Variants in HMCN1 observed in about 807,000 individuals in gnomAD.
HMCN1 encodes hemicentin-1.
A neutral mutation model predicts 625.9 loss-of-function variants in HMCN1; 321 were observed. That is an observed-to-expected ratio of 0.51 (90% CI 0.47 to 0.56). The LOEUF (loss-of-function observed/expected upper bound fraction) is 0.56. HMCN1 is among the 20% of genes least tolerant of loss of function. The pLI, the probability that HMCN1 is intolerant of heterozygous loss-of-function variation, is 0.00. For synonymous variants in HMCN1, 2,425 were observed against 2,417.6 expected (o/e 1.00, Z -0.09); for missense variants, 6,588 against 6,887.3 (o/e 0.96, Z 1.54).
chr1:186,098,811 A>G (rs1660262013), intron 68 of HMCN1, among the ~76,000 whole-genome samples: 1 of 152,192 alleles, frequency 6.6e-6, no homozygotes, highest in Non-Finnish European at 1.5e-5. Context: ...AAGACAATGT[A>G]GTAGATATAC....
Position 185,993,297 on chromosome 1 carries a change from T to C in HMCN1, c.3493T>C (p.Leu1165=), listed in dbSNP as rs1378226174. The C allele has an allele frequency of 1.9e-6, 3 of 1,612,932 alleles. No homozygotes were observed. The highest frequency in any genetic ancestry group is 2.5e-6 in the Non-Finnish European group (3 of 1,179,070). The change falls in exon 23 of 107, where the codon TTA becomes CTA. Residue 1165 remains leucine, a synonymous_variant. Transcript: ENST00000271588. ...TGGGAATGTGACTCAGGCTGTCAAA[T>C]TAAATGTCCATGGTGAGTCTTGAAA... ...IAGNVTQAVK[L]NVHVPPKIQR...
chr1:186,153,982 C>T lies in HMCN1; in HGVS notation c.15251C>T (p.Ser5084Phe). ...TLGFKIHASI[S>F]KGDRSNQCPS... ...GGTTTTAAAATTCATGCTTCAATAT[C>T]CAAAGGTAATTTGATAAAAGAAAAT... The change falls in exon 97 of 107, where the codon TCC becomes TTC. Residue 5084 changes from serine to phenylalanine, a missense_variant. Transcript: ENST00000271588. 2 of 1,608,422 alleles carry T rather than the reference C, an allele frequency of 1.2e-6. No homozygotes were observed. The highest frequency in any genetic ancestry group is 2.2e-5 in the East Asian group (1 of 44,814).
At chr1:185,953,998 C>A (rs575380163) in intron 11 of HMCN1, among the ~76,000 whole-genome samples, 1 of 151,112 alleles carries the variant, frequency 6.6e-6, no homozygotes, top group South Asian at 2.1e-4. Flanking sequence ...GCTTTTTGAG[C>A]CAGGATGAGC....
At chr1:186,118,058 A>G (rs1661221859) in intron 77 of HMCN1, among the ~76,000 whole-genome samples, 1 of 152,178 alleles carries the variant, frequency 6.6e-6, no homozygotes, top group Non-Finnish European at 1.5e-5. Context: ...ACAGGGTTCT[A>G]GGTTTCAAGG....
intron 4 of HMCN1, among the ~76,000 whole-genome samples, chr1:185,887,467 C>G (rs758482346): frequency 6.0e-5 from 9 of 149,998 alleles, no homozygotes; most frequent in Non-Finnish European, 5.9e-5. Context: ...CTCCCCGCAC[C>G]CCACAACAGT....
At chr1:185,889,870 G>A (rs1664936667) in intron 4 of HMCN1, among the ~76,000 whole-genome samples, 1 of 146,672 alleles carries the variant, frequency 6.8e-6, no homozygotes, top group Admixed American at 6.6e-5. Context: ...GATTGGAATA[G>A]TTTCAGAAGG....
chr1:185,850,572 T>C (rs1662099339), intron 2 of HMCN1, among the ~76,000 whole-genome samples: 1 of 152,128 alleles, frequency 6.6e-6, no homozygotes, highest in Non-Finnish European at 1.5e-5. Context: ...AGGATCCTGA[T>C]TCCTGACTCA....
intron 1 of HMCN1, among the ~76,000 whole-genome samples, chr1:185,843,212 T>G (rs1424309309): frequency 6.6e-6 from 1 of 152,214 alleles, no homozygotes; most frequent in African/African-American, 2.4e-5. Flanking sequence ...TCATCCCACT[T>G]TCTGTTATAA....
intron 1 of HMCN1, among the ~76,000 whole-genome samples, chr1:185,766,737 C>T (rs1655901212): frequency 6.6e-6 from 1 of 152,002 alleles, no homozygotes; most frequent in Non-Finnish European, 1.5e-5. Context: ...TCCTAAGCCT[C>T]CGAGAATTCC....
At chr1:185,928,407 A>C in intron 9 of HMCN1, 139 bp from the exon 10 acceptor site, 6 of 709,374 alleles carry the variant, frequency 8.5e-6, no homozygotes, top group Non-Finnish European at 2.4e-6. Context: ...TTTTAAGTTA[A>C]AAAGAACTCT....
At chr1:186,136,638 A>G in intron 86 of HMCN1, 30 bp from the exon 87 acceptor site, 1 of 1,612,314 alleles carries the variant, frequency 6.2e-7, no homozygotes. Flanking sequence ...ACTCCACAAA[A>G]ACTGAGACAC....
intron 45 of HMCN1, 93 bp from the exon 46 acceptor site, chr1:186,057,141 G>A: frequency 9.8e-7 from 1 of 1,023,782 alleles, no homozygotes. Flanking sequence ...ACACTGTTTA[G>A]GATTTGATGT....
At chr1:186,163,980 T>C (rs969443230) in intron 97 of HMCN1, among the ~76,000 whole-genome samples, 4 of 152,186 alleles carry the variant, frequency 2.6e-5, no homozygotes, top group African/African-American at 9.7e-5. Flanking sequence ...TCCACAATTA[T>C]GTCCCCAGCA....
chr1:186,012,138 A>T (rs1428073328), intron 30 of HMCN1, among the ~76,000 whole-genome samples: 1 of 152,130 alleles, frequency 6.6e-6, no homozygotes, highest in East Asian at 1.9e-4. Context: ...CTTTTACACA[A>T]AGTGCTTGCT....
In HMCN1 at chr1:186,190,724, A is replaced by T. The variant is rs755370308; in HGVS notation, c.*846A>T. The T allele has an allele frequency of 1.5e-5, 3 of 195,648 alleles. No homozygotes were observed. The highest frequency in any genetic ancestry group is 1.2e-4 in the Admixed American group (2 of 16,406). 12.1% of individuals were successfully genotyped at this position (195,648 alleles called of 1,614,324 possible). On this transcript the variant is annotated 3_prime_UTR_variant, in exon 107 of 107. Coordinates refer to ENST00000271588, the MANE Select transcript of HMCN1 (RefSeq NM_031935.3). ...ACAGATTTGGTTTTTTAAAAATCTC[A>T]TGTGTTCAAATTAACATAAATATTA... is the stretch of plus-strand genomic sequence containing the variant.
Position 185,888,896 on chromosome 1 carries a change from A to G in HMCN1, c.622-20441A>G, listed in dbSNP as rs1286436939. Among the ~76,000 whole-genome samples the G allele has an allele frequency of 3.3e-3, 482 of 145,688 alleles. 6 individuals are homozygous for G. Among genetic ancestry groups the G allele is most frequent in the African/African-American group, 0.011 (396 of 35,306 alleles). ...TGGCATTGAATCTGTAAATTACCTT[A>G]GGCAGTATGGCCATTTTCACGATAT... On this transcript the variant is annotated intron_variant, in intron 4 of 106. Transcript: ENST00000271588.
At position 186,095,328 on chromosome 1, in the gene HMCN1, T is replaced by G. The variant is rs141065715; in HGVS notation, c.10380T>G (p.Asp3460Glu). ...GSSTSMACIT[D>E]GTPAPSMAWL... ...CCACCTCTATGGCATGCATTACTGATGGAACCCCAGCTCCCAGTATGGCCT... is the reference window on the plus strand; with the variant it reads ...CCACCTCTATGGCATGCATTACTGAGGGAACCCCAGCTCCCAGTATGGCCT... Residue 3460 changes from aspartate (D) to glutamate (E), a missense_variant, in exon 68 of 107, where the codon GAT (aspartate) becomes GAG (glutamate). Physicochemically the swap from Asp to Glu is conservative, Grantham distance 45. Transcript: ENST00000271588. 38 of 1,613,676 alleles carry G rather than the reference T, an allele frequency of 2.4e-5. No homozygotes were observed. Among genetic ancestry groups the G allele is most frequent in the Non-Finnish European group, 3.1e-5 (36 of 1,179,864 alleles).
chr1:186,035,684 GTAGA>G, intron 36 of HMCN1, among the ~76,000 whole-genome samples: 1 of 151,954 alleles, frequency 6.6e-6, no homozygotes, highest in Non-Finnish European at 1.5e-5. Context: ...TTTTTCCCAT[GTAGA>G]TAGCTTTATA....
At chr1:185,886,822 C>T (rs770860369) in intron 4 of HMCN1, among the ~76,000 whole-genome samples, 4 of 152,108 alleles carry the variant, frequency 2.6e-5, no homozygotes, top group South Asian at 2.1e-4. Context: ...ACTTTCATCA[C>T]GCCCTGCCCC....
Sources: gnomAD v4.1 joint callset for allele counts (sites outside exome capture counted in the v4.1 genomes callset) on GRCh38, gnomAD v4.1.1 for gene constraint, MANE v1.5 for transcripts, NCBI Gene and HGNC (gene_info 2026-07-23, HGNC 2026-07-21) for gene names.